Variants in PTPRT observed in about 807,000 individuals in gnomAD.
PTPRT encodes the protein receptor-type tyrosine-protein phosphatase T.
PTPRT carries 56 observed loss-of-function variants against 176.8 expected under a neutral mutation model. The ratio of observed to expected loss-of-function variants is 0.32; its 90% confidence interval spans 0.26 to 0.40. The LOEUF (loss-of-function observed/expected upper bound fraction) is 0.40. Ranked by LOEUF, PTPRT falls within the 10% of genes least tolerant of loss-of-function variation. PTPRT has a pLI of 1.00. For missense variants in PTPRT, 1,540 were observed against 1,908.2 expected (o/e 0.81, Z 3.60); for synonymous variants, 783 against 739.0 (o/e 1.06, Z -0.96).
In PTPRT at chr20:42,079,373, C is replaced by T. The variant is rs1001387176; in HGVS notation, c.*1506G>A. 4.3e-5 allele frequency: 9 copies of T among 210,370 alleles called. No homozygotes were observed. Among genetic ancestry groups the T allele is most frequent in the Non-Finnish European group, 7.7e-5 (8 of 103,688 alleles). The allele number at this position is 210,370 out of a possible 1,614,324, so 13.0% of individuals were successfully genotyped here. On this transcript the variant is annotated 3_prime_UTR_variant, in exon 31 of 31. Transcript: ENST00000373187. Reference sequence around the variant, plus strand: ...CTTAGAGAAGATGAAGAAAACAGCACGGAGAAGTCTCATTGCCATTACCTG... The same window carrying T: ...CTTAGAGAAGATGAAGAAAACAGCATGGAGAAGTCTCATTGCCATTACCTG...
intron 7 of PTPRT, among the ~76,000 whole-genome samples, chr20:42,526,020 T>C (rs984257300): frequency 6.6e-6 from 1 of 152,166 alleles, no homozygotes; most frequent in Non-Finnish European, 1.5e-5. Context: ...GAGTGTTTTT[T>C]TTTTTAATTT....
intron 1 of PTPRT, among the ~76,000 whole-genome samples, chr20:42,993,186 AG>A (rs1289698409): frequency 6.6e-6 from 1 of 151,908 alleles, no homozygotes; most frequent in Non-Finnish European, 1.5e-5. Context: ...TGGGAGGCCG[AG>A]GTGGGTGGAT....
intron 7 of PTPRT, among the ~76,000 whole-genome samples, chr20:42,560,742 A>G (rs2145648103): frequency 6.6e-6 from 1 of 152,290 alleles, no homozygotes; most frequent in South Asian, 2.1e-4. Context: ...GCAGACTGCA[A>G]GCCTTCTGAG....
chr20:42,702,388 G>A (rs2075986718), intron 6 of PTPRT, among the ~76,000 whole-genome samples: 1 of 152,182 alleles, frequency 6.6e-6, no homozygotes, highest in Non-Finnish European at 1.5e-5. Context: ...AGAGCCCAAG[G>A]TTGCAAGGAA....
intron 1 of PTPRT, among the ~76,000 whole-genome samples, chr20:43,034,505 T>G: frequency 6.8e-6 from 1 of 147,788 alleles, no homozygotes; most frequent in Non-Finnish European, 1.5e-5. Context: ...TTCCAGGAGG[T>G]GGAATTAAAT....
chr20:42,750,923 A>G (rs191449258), intron 6 of PTPRT, among the ~76,000 whole-genome samples: 1 of 152,296 alleles, frequency 6.6e-6, no homozygotes, highest in Admixed American at 6.5e-5. Context: ...TTACAGAGTA[A>G]TCTAATGTAT....
At chr20:42,284,520 A>G (rs1257358638) in intron 12 of PTPRT, among the ~76,000 whole-genome samples, 1 of 152,086 alleles carries the variant, frequency 6.6e-6, no homozygotes, top group Non-Finnish European at 1.5e-5. Context: ...AATCTGGATA[A>G]TGCCAATGGT....
intron 1 of PTPRT, among the ~76,000 whole-genome samples, chr20:43,030,169 T>C (rs8120802): frequency 0.28 from 42,216 of 152,146 alleles, 7,238 homozygotes; most frequent in African/African-American, 0.47. Flanking sequence ...GCACCTACTA[T>C]GTGACAGGTA....
intron 2 of PTPRT, among the ~76,000 whole-genome samples, chr20:42,839,624 T>C (rs1184961455): frequency 6.6e-6 from 1 of 152,150 alleles, no homozygotes; most frequent in Non-Finnish European, 1.5e-5. Context: ...CCTTGAATCC[T>C]GCTGGCCAAA....
At chr20:42,670,763 G>A (rs776942392) in intron 7 of PTPRT, among the ~76,000 whole-genome samples, 10 of 152,300 alleles carry the variant, frequency 6.6e-5, no homozygotes, top group African/African-American at 9.6e-5. Flanking sequence ...CTAAGATTAC[G>A]TGACTTGCTG....
intron 8 of PTPRT, among the ~76,000 whole-genome samples, chr20:42,450,768 A>G (rs2070813793): frequency 6.6e-6 from 1 of 152,164 alleles, no homozygotes; most frequent in African/African-American, 2.4e-5. Flanking sequence ...ACAGCGATGG[A>G]CACTAGAGAT....
chr20:42,434,268 T>C (rs150989671), intron 9 of PTPRT, among the ~76,000 whole-genome samples: 1,699 of 152,308 alleles, frequency 0.011, 23 homozygotes, highest in Non-Finnish European at 0.015. Context: ...CATAGCGATG[T>C]CGATATTTGA....
chr20:42,706,918 A>G (rs3092485), intron 6 of PTPRT, among the ~76,000 whole-genome samples: 5,115 of 152,276 alleles, frequency 0.034, 323 homozygotes, highest in African/African-American at 0.12. Flanking sequence ...CCTTAATCCA[A>G]TTTGGCTGGT....
chr20:42,273,602 C>T (rs1224660973), intron 13 of PTPRT, among the ~76,000 whole-genome samples: 2 of 152,136 alleles, frequency 1.3e-5, no homozygotes, highest in African/African-American at 4.8e-5. Context: ...AATCAAAGAC[C>T]ATCCAAATCT....
chr20:42,420,020 G>T (rs1384856815), intron 9 of PTPRT, among the ~76,000 whole-genome samples: 2 of 152,126 alleles, frequency 1.3e-5, no homozygotes, highest in African/African-American at 4.8e-5. Flanking sequence ...GCCTTCGGAG[G>T]GGGTGGGGAC....
At chr20:42,944,027 A>AAAAT (rs201301533) in intron 1 of PTPRT, among the ~76,000 whole-genome samples, 12 of 152,142 alleles carry the variant, frequency 7.9e-5, no homozygotes, top group Admixed American at 2.6e-4. Flanking sequence ...TCAAAAAATA[A>AAAAT]AAATAAATAA....
At chr20:42,937,205 C>T (rs938154272) in intron 1 of PTPRT, among the ~76,000 whole-genome samples, 2 of 152,182 alleles carry the variant, frequency 1.3e-5, no homozygotes, top group African/African-American at 4.8e-5. Context: ...ATTTAATGTG[C>T]AGCTATTACA....
intron 5 of PTPRT, among the ~76,000 whole-genome samples, chr20:42,763,268 C>T (rs771715477): frequency 3.3e-5 from 5 of 152,134 alleles, no homozygotes; most frequent in Non-Finnish European, 7.3e-5. Flanking sequence ...AAATGGCTGT[C>T]ATTATTTCAG....
intron 7 of PTPRT, among the ~76,000 whole-genome samples, chr20:42,620,716 G>T (rs1318898900): frequency 1.3e-5 from 2 of 152,204 alleles, no homozygotes; most frequent in African/African-American, 4.8e-5. Context: ...AGGTGCGTCA[G>T]TCACCCCTTT....
Sources: allele counts gnomAD v4.1 joint callset (sites outside exome capture counted in the v4.1 genomes callset), GRCh38; gene constraint gnomAD v4.1.1; transcripts MANE v1.5; gene names NCBI Gene and HGNC (gene_info 2026-07-23, HGNC 2026-07-21).